Variants in GALNT13 observed in about 807,000 individuals in gnomAD.
GALNT13 encodes polypeptide N-acetylgalactosaminyltransferase 13, also known as UDP-GalNAc:polypeptide N-acetylgalactosaminyltransferase 13.
Under a neutral mutation model 64.2 loss-of-function variants are expected in GALNT13, and 28 were observed. The ratio of observed to expected loss-of-function variants is 0.44; its 90% CI spans 0.32 to 0.60. GALNT13 has a LOEUF of 0.60. GALNT13 is among the 20% of genes least tolerant of loss of function. The pLI, the probability that GALNT13 is intolerant of heterozygous loss-of-function variation, is 0.05. For missense variants in GALNT13, 577 were observed against 669.8 expected, an observed-to-expected ratio of 0.86 and a Z score of 1.53; for synonymous variants, 214 against 224.6, an observed-to-expected ratio of 0.95 and a Z score of 0.42.
the GALNT13 span, among the ~76,000 whole-genome samples, chr2:153,615,653 G>T: frequency 6.6e-6 from 1 of 151,908 alleles, no homozygotes; most frequent in Non-Finnish European, 1.5e-5. Context: ...TTTTTCATAT[G>T]CCTGTTTTCC....
At chr2:153,581,938 A>T in the GALNT13 span, among the ~76,000 whole-genome samples, 2 of 152,096 alleles carry the variant, frequency 1.3e-5, no homozygotes, top group Non-Finnish European at 2.9e-5. Context: ...TAAGTGGATA[A>T]TGCTTATAAT....
At chr2:153,621,588 G>T in the GALNT13 span, among the ~76,000 whole-genome samples, 2 of 152,168 alleles carry the variant, frequency 1.3e-5, no homozygotes, top group Non-Finnish European at 2.9e-5. Context: ...CTGGGAGTCA[G>T]AGACAACAGT....
At chr2:154,436,233 A>C (rs1034391721) in intron 11 of GALNT13, 1 of 152,200 alleles carries the variant, frequency 6.6e-6, no homozygotes, top group Non-Finnish European at 1.5e-5. Context: ...TTATATACAC[A>C]TATAAGTGCA....
intron 4 of GALNT13, among the ~76,000 whole-genome samples, chr2:154,187,263 C>T (rs1243121697): frequency 6.6e-6 from 1 of 151,842 alleles, no homozygotes; most frequent in South Asian, 2.1e-4. Context: ...CATAAATGCA[C>T]TTTTAAAATT....
the GALNT13 span, among the ~76,000 whole-genome samples, chr2:153,409,313 A>ATATATTCATATAT: frequency 7.1e-6 from 1 of 140,120 alleles, no homozygotes; most frequent in African/African-American, 2.6e-5. Flanking sequence ...TATATATATG[A>ATATATTCATATAT]ATATGTATAT....
chr2:153,455,210 T>C, the GALNT13 span, among the ~76,000 whole-genome samples: 2 of 152,264 alleles, frequency 1.3e-5, no homozygotes, highest in Non-Finnish European at 2.9e-5. Flanking sequence ...TTCTTCATAT[T>C]ATGATAACTT....
chr2:153,523,242 A>G, the GALNT13 span, among the ~76,000 whole-genome samples: 1 of 152,062 alleles, frequency 6.6e-6, no homozygotes, highest in African/African-American at 2.4e-5. Flanking sequence ...AGTACATCTT[A>G]AAGTCAGGCA....
At chr2:153,929,516 T>C (rs146911979) in intron 2 of GALNT13, among the ~76,000 whole-genome samples, 110 of 152,224 alleles carry the variant, frequency 7.2e-4, no homozygotes, top group Non-Finnish European at 1.2e-3. Flanking sequence ...CACCTTCAAG[T>C]AGGCCATTGT....
the GALNT13 span, among the ~76,000 whole-genome samples, chr2:153,866,625 T>G: frequency 3.3e-4 from 51 of 152,310 alleles, no homozygotes; most frequent in African/African-American, 9.6e-4. Context: ...ACTTTCTTCA[T>G]GTCATGAAAT....
Position 154,245,794 on chromosome 2 carries a change from G to A in GALNT13, c.687-18G>A, listed in dbSNP as rs150008937. 2.0e-5 allele frequency: 31 copies of A among 1,550,180 alleles called. No homozygotes were observed. The highest frequency in any genetic ancestry group is 2.7e-5 in the Non-Finnish European group (31 of 1,130,576). On this transcript the variant is annotated intron_variant, in intron 6 of 12. Transcript: ENST00000392825. ...TTAATTATCATGTGTCTATAAATTGGTTTTAATTTCTCTGCAGGAAAACGG... is the reference window on the plus strand; with the variant it reads ...TTAATTATCATGTGTCTATAAATTGATTTTAATTTCTCTGCAGGAAAACGG...
At chr2:154,113,705 A>G (rs1052534036) in intron 3 of GALNT13, among the ~76,000 whole-genome samples, 1 of 152,210 alleles carries the variant, frequency 6.6e-6, no homozygotes, top group African/African-American at 2.4e-5. Flanking sequence ...AATGTCATCA[A>G]TGTAATGGAC....
chr2:153,117,099 G>T, the GALNT13 span, among the ~76,000 whole-genome samples: 1 of 151,600 alleles, frequency 6.6e-6, no homozygotes, highest in Non-Finnish European at 1.5e-5. Flanking sequence ...ATGCCTGGCT[G>T]GGTGTGTTGT....
chr2:153,719,986 A>G, the GALNT13 span, among the ~76,000 whole-genome samples: 369 of 151,626 alleles, frequency 2.4e-3, 1 homozygote, highest in South Asian at 4.0e-3. Context: ...GCCTGCCTCT[A>G]TAGGCTCCAC....
chr2:153,758,367 TA>T, the GALNT13 span, among the ~76,000 whole-genome samples: 1 of 152,026 alleles, frequency 6.6e-6, no homozygotes, highest in African/African-American at 2.4e-5. Flanking sequence ...CTTATGCCAG[TA>T]CCATGCTGTT....
chr2:153,524,912 C>T, the GALNT13 span, among the ~76,000 whole-genome samples: 6 of 152,130 alleles, frequency 3.9e-5, no homozygotes, highest in Non-Finnish European at 8.8e-5. Context: ...AGATACTAGC[C>T]AGAGTAGCTA....
At chr2:153,179,304 C>A in the GALNT13 span, among the ~76,000 whole-genome samples, 2 of 152,154 alleles carry the variant, frequency 1.3e-5, no homozygotes, top group Non-Finnish European at 2.9e-5. Context: ...CTTTTCACAA[C>A]ATAAAAGGCA....
chr2:154,437,415 A>G (rs1389859149), intron 11 of GALNT13: 2 of 550,540 alleles, frequency 3.6e-6, no homozygotes, highest in Admixed American at 9.1e-5. Context: ...ATTTCATCAG[A>G]TATCTTTGAG....
intron 4 of GALNT13, among the ~76,000 whole-genome samples, chr2:154,158,881 C>T (rs1190915405): frequency 6.6e-6 from 1 of 152,006 alleles, no homozygotes; most frequent in Non-Finnish European, 1.5e-5. Context: ...AATGGGTTAA[C>T]CCATTTATCA....
the GALNT13 span, among the ~76,000 whole-genome samples, chr2:153,550,169 A>G: frequency 0.016 from 2,400 of 152,102 alleles, 74 homozygotes; most frequent in African/African-American, 0.055. Context: ...TTCTTATTCT[A>G]TTATCTGTGT....
Sources: gnomAD v4.1 joint callset for allele counts (sites outside exome capture counted in the v4.1 genomes callset) on GRCh38, gnomAD v4.1.1 for gene constraint, MANE v1.5 for transcripts, NCBI Gene and HGNC (gene_info 2026-07-23, HGNC 2026-07-21) for gene names.